Variants in FSIP2 observed in about 807,000 individuals in gnomAD.
The protein encoded by FSIP2 is fibrous sheath-interacting protein 2.
Under a neutral mutation model 510.5 loss-of-function variants are expected in FSIP2, and 367 were observed. The ratio of observed to expected loss-of-function variants is 0.72; its 90% CI spans 0.66 to 0.78. The LOEUF is 0.78. Ranked by LOEUF, FSIP2 falls within the 30% of genes least tolerant of loss-of-function variation. The pLI, the probability that FSIP2 is intolerant of heterozygous loss-of-function variation, is 0.00. For synonymous variants in FSIP2, 2,601 were observed against 2,732.2 expected (o/e 0.95, Z 1.50); for missense variants, 7,594 against 7,901.7 (o/e 0.96, Z 1.48).
intron 13 of FSIP2, 98 bp from the exon 14 acceptor site, chr2:185,782,607 C>G: frequency 2.7e-6 from 2 of 735,758 alleles, no homozygotes; most frequent in Admixed American, 4.2e-5. Context: ...GTAAACGAGG[C>G]AGTGATAACA....
chr2:185,830,401 A>T (rs1288230608), intron 21 of FSIP2, among the ~76,000 whole-genome samples: 1 of 151,890 alleles, frequency 6.6e-6, no homozygotes, highest in Non-Finnish European at 1.5e-5. Flanking sequence ...TAACAAACAG[A>T]TACATGTTTT....
chr2:185,764,816 C>T (rs536513295), intron 13 of FSIP2: 1 of 342,672 alleles, frequency 2.9e-6, no homozygotes, highest in Non-Finnish European at 5.3e-6. Context: ...ATGCATAGAC[C>T]TATCTAGGGT....
Position 185,756,185 on chromosome 2 carries a change from C to A in FSIP2, c.992-7C>A. ...TAAAAATAAATGTTTTATTATATTT[C>A]TTTAAGCTTCTCCAAAGAATAAAAA... On this transcript the variant is annotated splice_region_variant and splice_polypyrimidine_tract_variant and intron_variant, in intron 8 of 22. Coordinates refer to ENST00000424728, the MANE Select transcript of FSIP2 (RefSeq NM_173651.4). 1.8e-6 allele frequency: 2 copies of A among 1,127,080 alleles called. No homozygotes were observed. Among genetic ancestry groups the A allele is most frequent in the Admixed American group, 2.5e-5 (1 of 39,696 alleles). The allele number at this position is 1,127,080 out of a possible 1,614,324, so 69.8% of individuals were successfully genotyped here. A position where few individuals can be genotyped will look rare whatever the true frequency, so the allele number is the denominator to read the frequency against.
intron 13 of FSIP2, among the ~76,000 whole-genome samples, chr2:185,768,938 A>G (rs1692551939): frequency 6.6e-6 from 1 of 152,148 alleles, no homozygotes; most frequent in African/African-American, 2.4e-5. Flanking sequence ...AGCTCCATCC[A>G]TGTTCCTGCA....
Position 185,801,453 on chromosome 2 carries a change from A to G in FSIP2, c.12147A>G (p.Ser4049=), listed in dbSNP as rs1330691755. The change falls in exon 17 of 23, where the codon TCA becomes TCG. Residue 4049 remains serine (S), a synonymous_variant. Coordinates refer to ENST00000424728, the MANE Select transcript of FSIP2 (RefSeq NM_173651.4). ...AAACTGTTAGCAAAATTGTTGACTC[A>G]GTTTATTATGATGTTTTACAGCAGT... ...HTETVSKIVD[S]VYYDVLQQYE... 4 of 1,533,968 alleles carry G rather than the reference A, an allele frequency of 2.6e-6. No individual in the cohort carries two copies. The highest frequency in any genetic ancestry group is 3.5e-6 in the Non-Finnish European group (4 of 1,145,486).
chr2:185,771,703 G>C (rs1335834129), intron 13 of FSIP2, among the ~76,000 whole-genome samples: 1 of 152,106 alleles, frequency 6.6e-6, no homozygotes, highest in Non-Finnish European at 1.5e-5. Context: ...CCATTGTCTT[G>C]GTTGTTAACA....
At chr2:185,786,712 C>T (rs1692988652) in intron 15 of FSIP2, among the ~76,000 whole-genome samples, 1 of 151,762 alleles carries the variant, frequency 6.6e-6, no homozygotes, top group Admixed American at 6.6e-5. Flanking sequence ...ACCTGGTCAC[C>T]TATGAGCTGA....
At chr2:185,738,654 G>C (rs757130728), upstream of FSIP2, 32 of 1,535,960 alleles carry the variant, frequency 2.1e-5, no homozygotes, top group South Asian at 3.7e-4. Flanking sequence ...GGTCCTCTCA[G>C]ATCAGGCCTC....
rs1021688576 is a variant in FSIP2 at position 185,789,982 on chromosome 2, C to G, written c.2846C>G (p.Pro949Arg). Residue 949 changes from proline to arginine, a missense_variant, in exon 16 of 23, where the codon CCA (proline) becomes CGA (arginine). Transcript: ENST00000424728. ...ATCCTTTTTCAGCTCCATCAGGAACCAGTAAATGAAAGTTTTCAAAAAAGT... is the reference window on the plus strand; with the variant it reads ...ATCCTTTTTCAGCTCCATCAGGAACGAGTAAATGAAAGTTTTCAAAAAAGT... ...EDILFQLHQE[P>R]VNESFQKSRQ... 2 of 1,533,930 alleles carry G rather than the reference C, an allele frequency of 1.3e-6. No homozygotes were observed. The highest frequency in any genetic ancestry group is 2.0e-5 in the Admixed American group (1 of 50,792).
Position 185,804,814 on chromosome 2 carries a change from A to T in FSIP2, c.15508A>T (p.Ile5170Phe). 6.5e-7 allele frequency: 1 copy of T among 1,532,882 alleles called. No individual in the cohort carries two copies. The allele number at this position is 1,532,882 out of a possible 1,614,324, so 95.0% of individuals were successfully genotyped here. A position where few individuals can be genotyped will look rare whatever the true frequency, so the allele number is the denominator to read the frequency against. The change falls in exon 17 of 23, where the codon ATT becomes TTT. Residue 5170 changes from isoleucine (I) to phenylalanine (F), a missense_variant. Ile to Phe is a conservative substitution (Grantham distance 21, BLOSUM62 0). Transcript: ENST00000424728. Reference sequence around the variant, plus strand: ...TATAAAAGAAATTTCTGAACATGAGATTCGACTTTCCATGGCAGAGGATAA... The same window carrying T: ...TATAAAAGAAATTTCTGAACATGAGTTTCGACTTTCCATGGCAGAGGATAA... ...EIIKEISEHE[I>F]RLSMAEDNAE...
intron 18 of FSIP2, among the ~76,000 whole-genome samples, 160 bp from the exon 19 acceptor site, chr2:185,815,211 G>A (rs1044293743): frequency 5.9e-5 from 9 of 152,034 alleles, no homozygotes; most frequent in Admixed American, 4.6e-4. Flanking sequence ...TATATTGGAA[G>A]ACACCTTTTA....
At position 185,807,824 on chromosome 2, in the gene FSIP2, A is replaced by T. The variant is rs1439512964; in HGVS notation, c.18518A>T (p.Lys6173Met). 19 of 1,612,602 alleles carry T rather than the reference A, an allele frequency of 1.2e-5. No individual in the cohort carries two copies. The highest frequency in any genetic ancestry group is 1.4e-5 in the Non-Finnish European group (16 of 1,179,256). The change falls in exon 17 of 23, where the codon AAG (lysine) becomes ATG (methionine). Residue 6173 changes from lysine (K) to methionine (M), a missense_variant. Lys to Met is a moderately conservative substitution (Grantham distance 95). Transcript: ENST00000424728. ...VPLPKPSHAD[K>M]LSYNIIEEIA... ...CTACCTAAACCTTCACATGCTGATA[A>T]GCTGTCTTATAACATAATAGAAGAA...
intron 8 of FSIP2, among the ~76,000 whole-genome samples, chr2:185,755,099 C>T (rs1692218188): frequency 6.6e-6 from 1 of 151,424 alleles, no homozygotes; most frequent in South Asian, 2.1e-4. Context: ...CTTTAAGCCC[C>T]ACTGTAAATT....
Sources: allele counts gnomAD v4.1 joint callset (sites outside exome capture counted in the v4.1 genomes callset), GRCh38; gene constraint gnomAD v4.1.1; transcripts MANE v1.5; gene names NCBI Gene and HGNC (gene_info 2026-07-23, HGNC 2026-07-21).